RIC1: variants seen among roughly 807,000 people sequenced by gnomAD.
The protein encoded by RIC1 is guanine nucleotide exchange factor subunit RIC1.
A neutral mutation model predicts 169.0 loss-of-function variants in RIC1; 88 were observed. That is an observed-to-expected ratio of 0.52 (90% CI 0.44 to 0.62). The LOEUF is 0.62. Among genes scored for constraint, RIC1 ranks in the 20% least tolerant of loss-of-function variants. The pLI is 0.00. For synonymous variants in RIC1, 790 were observed against 601.5 expected (o/e 1.31, Z -4.59); for missense variants, 1,877 against 1,725.5 (o/e 1.09, Z -1.56).
intron 7 of RIC1, among the ~76,000 whole-genome samples, chr9:5,735,666 C>A (rs1195745588): frequency 6.6e-6 from 1 of 152,206 alleles, no homozygotes; most frequent in Non-Finnish European, 1.5e-5. Flanking sequence ...GGACTAATTA[C>A]CTTGAACACT....
intron 3 of RIC1, among the ~76,000 whole-genome samples, chr9:5,696,200 C>A (rs1404410987): frequency 1.3e-5 from 2 of 152,186 alleles, no homozygotes; most frequent in South Asian, 4.1e-4. Context: ...TAACTCATTT[C>A]TCTTCCCCTA....
intron 7 of RIC1, among the ~76,000 whole-genome samples, chr9:5,734,254 G>T (rs1824557078): frequency 6.6e-6 from 1 of 151,772 alleles, no homozygotes; most frequent in East Asian, 1.9e-4. Flanking sequence ...TTGCAGGCAT[G>T]CACCACCATG....
At chr9:5,778,584 C>G (rs979889688), downstream of RIC1, among the ~76,000 whole-genome samples, 2 of 152,190 alleles carry the variant, frequency 1.3e-5, no homozygotes, top group African/African-American at 2.4e-5. Context: ...TTACAAAAAT[C>G]CAAATCCCTT....
At chr9:5,720,143 C>T (rs1823496559) in intron 4 of RIC1, 39 bp from the exon 5 acceptor site, 3 of 1,552,926 alleles carry the variant, frequency 1.9e-6, no homozygotes, top group Non-Finnish European at 2.6e-6. Flanking sequence ...ATTGCTTTCC[C>T]AGTATGCTCT....
At chr9:5,772,846 A>T in intron 24 of RIC1, 46 bp from the exon 25 acceptor site, 1 of 1,576,352 alleles carries the variant, frequency 6.3e-7, no homozygotes, top group Non-Finnish European at 8.7e-7. Flanking sequence ...TGTACATCTT[A>T]TAGATCTTTC....
intron 10 of RIC1, among the ~76,000 whole-genome samples, chr9:5,743,947 C>A (rs977273228): frequency 1.3e-5 from 2 of 152,088 alleles, no homozygotes; most frequent in Non-Finnish European, 2.9e-5. Context: ...TCTAGGCACA[C>A]CACTATCCAC....
chr9:5,665,087 G>A (rs79454198), intron 2 of RIC1, among the ~76,000 whole-genome samples: 6,881 of 151,646 alleles, frequency 0.045, 261 homozygotes, highest in South Asian at 0.21. Context: ...TTGTGAATCT[G>A]GGTGTTCCTA....
chr9:5,745,435 C>G (rs934795973), intron 10 of RIC1, among the ~76,000 whole-genome samples: 8 of 152,124 alleles, frequency 5.3e-5, no homozygotes, highest in Admixed American at 4.6e-4. Flanking sequence ...AACGAGACAG[C>G]TTGGCCAAGG....
intron 6 of RIC1, among the ~76,000 whole-genome samples, chr9:5,722,256 A>AT (rs771921878): frequency 4.8e-3 from 477 of 98,528 alleles, no homozygotes; most frequent in African/African-American, 0.01. Context: ...GGAGGAAGAG[A>AT]TTTTTTTTTT....
intron 6 of RIC1, among the ~76,000 whole-genome samples, chr9:5,730,027 A>G (rs1402835700): frequency 6.6e-6 from 1 of 152,150 alleles, no homozygotes; most frequent in Non-Finnish European, 1.5e-5. Flanking sequence ...ATTTTTTCTA[A>G]TAAGTTAAGG....
In RIC1 at chr9:5,716,959, C is replaced by T. The variant is rs554498426; in HGVS notation, c.440+2956C>T. On this transcript the variant is annotated intron_variant, in intron 4 of 25. Transcript: ENST00000414202. ...TAGCTGGGATTATAGGCACAAGCCACCACGCCTGGCTCAGCCTTTGTTTTA... is the reference window on the plus strand; with the variant it reads ...TAGCTGGGATTATAGGCACAAGCCATCACGCCTGGCTCAGCCTTTGTTTTA... 2.0e-5 allele frequency among the ~76,000 whole-genome samples: 3 copies of T among 152,322 alleles called. No individual in the cohort carries two copies. In the South Asian group the frequency reaches 6.2e-4, roughly 32 times the overall value.
chr9:5,712,394 G>A (rs1324077460), intron 3 of RIC1, among the ~76,000 whole-genome samples: 1 of 152,174 alleles, frequency 6.6e-6, no homozygotes, highest in Non-Finnish European at 1.5e-5. Context: ...TACCATCAGA[G>A]TGAAGAGGCA....
chr9:5,635,324 T>C (rs557650395), intron 1 of RIC1, among the ~76,000 whole-genome samples: 1 of 152,268 alleles, frequency 6.6e-6, no homozygotes, highest in African/African-American at 2.4e-5. Flanking sequence ...CCATCCTTCC[T>C]TCCCCCTCCG....
At chr9:5,671,888 C>T (rs959967311) in intron 2 of RIC1, among the ~76,000 whole-genome samples, 3 of 152,176 alleles carry the variant, frequency 2.0e-5, no homozygotes, top group African/African-American at 7.2e-5. Flanking sequence ...TTTCACAGTT[C>T]TCTAAGTGAG....
At chr9:5,722,512 C>T (rs537074314) in intron 6 of RIC1, among the ~76,000 whole-genome samples, 1 of 152,172 alleles carries the variant, frequency 6.6e-6, no homozygotes, top group Admixed American at 6.5e-5. Context: ...AGAACTTACA[C>T]TGGTTTTCTG....
intron 6 of RIC1, among the ~76,000 whole-genome samples, chr9:5,723,962 C>T (rs1823783419): frequency 6.6e-6 from 1 of 152,086 alleles, no homozygotes; most frequent in Non-Finnish European, 1.5e-5. Context: ...GTTACTGTAG[C>T]CTTGTAGTAT....
intron 1 of RIC1, among the ~76,000 whole-genome samples, chr9:5,640,070 A>G (rs541465417): frequency 1.4e-4 from 21 of 152,176 alleles, no homozygotes; most frequent in Middle Eastern, 3.4e-3. Context: ...TTTGTATTCA[A>G]TGCTATTATT....
intron 3 of RIC1, among the ~76,000 whole-genome samples, chr9:5,699,059 T>C (rs1822066325): frequency 1.3e-5 from 2 of 152,222 alleles, no homozygotes; most frequent in South Asian, 2.1e-4. Context: ...AGAGTATTCA[T>C]TTATACAATA....
intron 2 of RIC1, among the ~76,000 whole-genome samples, chr9:5,682,141 G>A (rs1820887626): frequency 1.3e-5 from 2 of 152,142 alleles, no homozygotes; most frequent in Admixed American, 1.3e-4. Context: ...TTTAATTGGA[G>A]CATTTAGCCC....
Sources: allele counts gnomAD v4.1 joint callset (sites outside exome capture counted in the v4.1 genomes callset), GRCh38; gene constraint gnomAD v4.1.1; transcripts MANE v1.5; gene names NCBI Gene and HGNC (gene_info 2026-07-23, HGNC 2026-07-21).